The following KIF13A variants were observed in gnomAD, a reference collection of about 807,000 sequenced individuals.
KIF13A encodes kinesin family member 13A, also known as kinesin-like protein KIF13A.
A neutral mutation model predicts 212.2 loss-of-function variants in KIF13A; 79 were observed. The observed-to-expected ratio is 0.37, with a 90% CI of 0.31 to 0.45. The LOEUF is 0.45. KIF13A is among the 20% of genes least tolerant of loss of function. The probability of loss-of-function intolerance (pLI) is 1.00; values close to 1 mark genes in which losing one functional copy is unlikely to be tolerated. For missense variants in KIF13A, 1,901 were observed against 2,209.0 expected (o/e 0.86, Z 2.79); for synonymous variants, 789 against 808.6 (o/e 0.98, Z 0.41).
intron 2 of KIF13A, among the ~76,000 whole-genome samples, chr6:17,925,386 T>G (rs1421879783): frequency 6.6e-6 from 1 of 152,096 alleles, no homozygotes; most frequent in Non-Finnish European, 1.5e-5. Flanking sequence ...GTGGAGGAAA[T>G]GAGGAATTTG....
chr6:17,944,492 C>T (rs1777216638), intron 2 of KIF13A, among the ~76,000 whole-genome samples: 2 of 152,114 alleles, frequency 1.3e-5, no homozygotes, highest in Non-Finnish European at 2.9e-5. Flanking sequence ...ATCAAGACCT[C>T]CAGAAAAAGA....
intron 2 of KIF13A, among the ~76,000 whole-genome samples, chr6:17,949,615 T>A (rs915624280): frequency 6.6e-6 from 1 of 152,164 alleles, no homozygotes; most frequent in Non-Finnish European, 1.5e-5. Flanking sequence ...CACCAGTTCT[T>A]AATTTTCTAG....
At chr6:17,790,666 T>C (rs778456814) in intron 25 of KIF13A, among the ~76,000 whole-genome samples, 1 of 152,142 alleles carries the variant, frequency 6.6e-6, no homozygotes, top group Non-Finnish European at 1.5e-5. Flanking sequence ...ACCACACAGA[T>C]AATGGCAGGT....
Position 17,786,156 on chromosome 6 carries a change from G to C in KIF13A, c.3362-515C>G, listed in dbSNP as rs917896404. ...TATTTTACTGGTTCTGTAATTTGGG[G>C]AAGTTATCCAACAGATGAGTCTCCT... is the stretch of plus-strand genomic sequence containing the variant. On this transcript the variant is annotated intron_variant, in intron 27 of 38. Transcript: ENST00000259711. This position sits in a 1 kb window ranked among gnomAD's most constrained non-coding sequence, Gnocchi z 5.4. 6.6e-6 allele frequency among the ~76,000 whole-genome samples: 1 copy of C among 152,192 alleles called. No homozygotes were observed. Among genetic ancestry groups the C allele is most frequent in the South Asian group, 2.1e-4 (1 of 4,834 alleles).
intron 2 of KIF13A, among the ~76,000 whole-genome samples, chr6:17,970,616 TA>T (rs569460100): frequency 3.3e-5 from 5 of 152,222 alleles, no homozygotes; most frequent in Non-Finnish European, 2.9e-5. Context: ...CCTTCTTTAT[TA>T]ATCTTAATGC....
intron 17 of KIF13A, among the ~76,000 whole-genome samples, chr6:17,813,741 C>T (rs899445025): frequency 6.6e-6 from 1 of 151,928 alleles, no homozygotes; most frequent in African/African-American, 2.4e-5. Context: ...GTGTGAGTTA[C>T]AGGAAGAGCT....
At position 17,772,400 on chromosome 6, in the gene KIF13A, G is replaced by A. The variant is rs1031739856; in HGVS notation, c.4325-341C>T. Among the ~76,000 whole-genome samples the A allele has an allele frequency of 2.6e-4, 39 of 152,122 alleles. No homozygotes were observed. Among genetic ancestry groups the A allele is most frequent in the Middle Eastern group, 3.4e-3 (1 of 294 alleles). On this transcript the variant is annotated intron_variant, in intron 36 of 38. Coordinates refer to ENST00000259711, the MANE Select transcript of KIF13A (RefSeq NM_022113.6). This position sits in a 1 kb window ranked among gnomAD's most constrained non-coding sequence, Gnocchi z 4.8. ...CTCCAGCCCGGGCAAGAGAGAGAGA[G>A]GGAGACCCTGTCTAAAAACAAAACA...
Position 17,892,892 on chromosome 6 carries a change from C to A in KIF13A, c.159+5276G>T, listed in dbSNP as rs1324736943. ...CTGGCAATATTATGTAAAGGGCGTT[C>A]CTGAGTTCTGTGAGCCATTCTAGCA... On this transcript the variant is annotated intron_variant, in intron 3 of 38. Transcript: ENST00000259711. This position sits in a 1 kb window ranked among gnomAD's most constrained non-coding sequence, Gnocchi z 4.7. 2.6e-5 allele frequency among the ~76,000 whole-genome samples: 4 copies of A among 152,154 alleles called. No homozygotes were observed. The highest frequency in any genetic ancestry group is 2.9e-5 in the Non-Finnish European group (2 of 68,032).
chr6:17,785,624 C>T lies in KIF13A; in HGVS notation c.3379G>A (p.Val1127Met), dbSNP rs2150312937. 1.2e-6 allele frequency: 2 copies of T among 1,605,760 alleles called. No homozygotes were observed. The highest frequency in any genetic ancestry group is 1.7e-4 in the Middle Eastern group (1 of 6,050). ...SNKTEKTEDDVEREAQLVEQW... is the reference protein window; with the variant it reads ...SNKTEKTEDDMEREAQLVEQW... ...TCCACAAGCTGGGCTTCCCGCTCCA[C>T]ATCGTCCTCTGTTTTCTCTGCAGAA... Residue 1127 changes from valine to methionine, a missense_variant, in exon 28 of 39, where the codon GTG (valine) becomes ATG (methionine). Transcript: ENST00000259711. This position sits in a 1 kb window ranked among gnomAD's most constrained non-coding sequence, Gnocchi z 5.8.
chr6:17,930,605 T>C (rs755346219), intron 2 of KIF13A, among the ~76,000 whole-genome samples: 8 of 152,140 alleles, frequency 5.3e-5, no homozygotes, highest in African/African-American at 9.7e-5. Flanking sequence ...GGATGGAAGG[T>C]AGACTAGAAG....
At position 17,860,157 on chromosome 6, in the gene KIF13A, A is replaced by C. The variant is rs189759996; in HGVS notation, c.221-4035T>G. 1.3e-3 allele frequency among the ~76,000 whole-genome samples: 203 copies of C among 152,190 alleles called. 1 individual carries two copies. Among genetic ancestry groups the C allele is most frequent in the Middle Eastern group, 6.8e-3 (2 of 294 alleles). On this transcript the variant is annotated intron_variant, in intron 4 of 38. Coordinates refer to ENST00000259711, the MANE Select transcript of KIF13A (RefSeq NM_022113.6). ...ACCTCTGGTCTCCAGGATAATTTTT[A>C]CAGACTGTCAGAACTCATTACACTG... is the stretch of plus-strand genomic sequence containing the variant.
In KIF13A at chr6:17,987,539, CTG is replaced by C; in HGVS notation, c.-78_-77del. On this transcript the variant is annotated 5_prime_UTR_variant, in exon 1 of 39. An upstream open reading frame in the 5' UTR loses its in-frame stop. Coordinates refer to ENST00000259711, the MANE Select transcript of KIF13A (RefSeq NM_022113.6). This position sits in a 1 kb window ranked among gnomAD's most constrained non-coding sequence, Gnocchi z 7.7. Reference sequence around the variant, plus strand: ...CCCCTCACGCGCGGCGCCGCCGCCGCTGCAGCCGCGCGCCCCTCGAGCGCGGC... The same window carrying C: ...CCCCTCACGCGCGGCGCCGCCGCCGCCAGCCGCGCGCCCCTCGAGCGCGGC... 1 of 807,964 alleles carries C rather than the reference CTG, an allele frequency of 1.2e-6. No individual in the cohort carries two copies. The highest frequency in any genetic ancestry group is 1.5e-6 in the Non-Finnish European group (1 of 657,302). 50.0% of individuals were successfully genotyped at this position (807,964 alleles called of 1,614,324 possible). A position where few individuals can be genotyped will look rare whatever the true frequency, so the allele number is the denominator to read the frequency against.
At chr6:17,818,802 G>A (rs1400049694) in intron 16 of KIF13A, among the ~76,000 whole-genome samples, 1 of 152,110 alleles carries the variant, frequency 6.6e-6, no homozygotes, top group African/African-American at 2.4e-5. Flanking sequence ...GGCTGGGGTA[G>A]GACATTCACT....
intron 25 of KIF13A, among the ~76,000 whole-genome samples, chr6:17,792,661 C>T (rs904364141): frequency 6.6e-6 from 1 of 152,158 alleles, no homozygotes; most frequent in African/African-American, 2.4e-5. Flanking sequence ...CAAACCACAG[C>T]AGCCCTGTCC....
chr6:17,861,182 G>T (rs1768741132), intron 4 of KIF13A, among the ~76,000 whole-genome samples: 1 of 152,076 alleles, frequency 6.6e-6, no homozygotes, highest in Non-Finnish European at 1.5e-5. Flanking sequence ...AATTGAAAAT[G>T]ATTATACTAC....
rs780742333 is a variant in KIF13A at position 17,764,363 on chromosome 6, G to A, written c.5165C>T (p.Thr1722Met). 10 of 1,613,822 alleles carry A rather than the reference G, an allele frequency of 6.2e-6. No individual in the cohort carries two copies. The highest frequency in any genetic ancestry group is 4.4e-5 in the South Asian group (4 of 91,088). The change falls in exon 39 of 39, where the codon ACG (threonine) becomes ATG (methionine). Residue 1722 changes from threonine (T) to methionine (M), a missense_variant. Around this residue, in one of 5 missense-constraint regions of KIF13A, gnomAD observed 687 missense variants for 759.1 expected, o/e 0.90. Coordinates refer to ENST00000259711, the MANE Select transcript of KIF13A (RefSeq NM_022113.6). The surrounding 1 kb of genome is among the most constrained non-coding windows in gnomAD (Gnocchi z 5.1). ...AAGGATGTTGGTGGTGTGTTCTACC[G>A]TCACCTCCCTGGGGCAGAATCCCCT... Reference protein sequence around the residue: ...PARGFCPREVTVEHTTNILED... With the variant: ...PARGFCPREVMVEHTTNILED...
chr6:17,812,090 A>T (rs1377461318), intron 17 of KIF13A: 1 of 152,234 alleles, frequency 6.6e-6, no homozygotes, highest in African/African-American at 2.4e-5. Flanking sequence ...AATTAAGGGA[A>T]ATCAAAAAAA....
chr6:17,937,391 C>T (rs759551452), intron 2 of KIF13A, among the ~76,000 whole-genome samples: 1 of 152,144 alleles, frequency 6.6e-6, no homozygotes, highest in Non-Finnish European at 1.5e-5. Context: ...GCAGTGATCT[C>T]CAATTGTTTT....
At position 17,886,454 on chromosome 6, in the gene KIF13A, A is replaced by C. The variant is rs1034901800; in HGVS notation, c.159+11714T>G. Among the ~76,000 whole-genome samples, 2 of 152,234 alleles carry C rather than the reference A, an allele frequency of 1.3e-5. No homozygotes were observed. Among genetic ancestry groups the C allele is most frequent in the African/African-American group, 2.4e-5 (1 of 41,474 alleles). On this transcript the variant is annotated intron_variant, in intron 3 of 38. Transcript: ENST00000259711. This position sits in a 1 kb window ranked among gnomAD's most constrained non-coding sequence, Gnocchi z 5.6. ...ACACTGCTGCGGCTGACTCGGGCCA[A>C]GTGGGAGCCAAGAGACTCCCTGGTC...
Sources: allele counts gnomAD v4.1 joint callset (sites outside exome capture counted in the v4.1 genomes callset), GRCh38; gene constraint gnomAD v4.1.1; regional missense constraint gnomAD v4.1.1; non-coding constraint Gnocchi (gnomAD v3.1); transcripts MANE v1.5; gene names NCBI Gene and HGNC (gene_info 2026-07-23, HGNC 2026-07-21).